The following UGT1A9 variants were observed in gnomAD, a reference collection of about 807,000 sequenced individuals.
The protein encoded by UGT1A9 is UDP-glucuronosyltransferase 1A9.
Under a neutral mutation model 45.0 loss-of-function variants are expected in UGT1A9, and 35 were observed. The observed-to-expected ratio is 0.78, with a 90% CI of 0.59 to 1.03. The LOEUF (loss-of-function observed/expected upper bound fraction) is 1.03. Among genes scored for constraint, UGT1A9 ranks in the 50% least tolerant of loss-of-function variants. UGT1A9 has a pLI of 0.00. For missense variants in UGT1A9, 687 were observed against 666.6 expected, an observed-to-expected ratio of 1.03 and a Z score of -0.34; for synonymous variants, 278 against 250.6, an observed-to-expected ratio of 1.11 and a Z score of -1.03.
chr2:233,717,430 C>T (rs528668664), intron 1 of UGT1A9, among the ~76,000 whole-genome samples: 2 of 152,364 alleles, frequency 1.3e-5, no homozygotes, highest in African/African-American at 4.8e-5. Flanking sequence ...GGGTGTCCCT[C>T]TGATGGACGC....
intron 1 of UGT1A9, among the ~76,000 whole-genome samples, chr2:233,673,534 G>T (rs376384747): frequency 6.6e-6 from 1 of 152,120 alleles, no homozygotes; most frequent in African/African-American, 2.4e-5. Flanking sequence ...GGATTTCCAT[G>T]AATTGAGAAG....
chr2:233,739,738 C>G (rs1691193557), intron 1 of UGT1A9, among the ~76,000 whole-genome samples: 1 of 152,084 alleles, frequency 6.6e-6, no homozygotes, highest in Non-Finnish European at 1.5e-5. Flanking sequence ...TCAGATGAGA[C>G]CTTGGACTAT....
chr2:233,719,741 A>C, intron 1 of UGT1A9: 1 of 1,613,136 alleles, frequency 6.2e-7, no homozygotes, highest in Middle Eastern at 1.9e-4. Flanking sequence ...ACTTTTTAAA[A>C]AATGTATTTA....
chr2:233,713,283 C>T (rs764319623), intron 1 of UGT1A9: 1 of 1,614,222 alleles, frequency 6.2e-7, no homozygotes, highest in Non-Finnish European at 8.5e-7. Flanking sequence ...GGGTCACACT[C>T]AATCGTTCTT....
rs1483426687 is a variant in UGT1A9, at chr2:233,681,490, C to A, written c.855+8701C>A. On this transcript the variant is annotated intron_variant, in intron 1 of 4. Transcript: ENST00000354728. ...AGGTTGCAGTGAGCCTAGATCTTAC[C>A]ACTGCACTCCAGCCTGGATGACACA... Among the ~76,000 whole-genome samples, 4 of 141,844 alleles carry A rather than the reference C, an allele frequency of 2.8e-5. No homozygotes were observed. The Admixed American group carries it at 2.9e-4, about 10-fold the overall frequency. The allele number at this position is 141,844 out of a possible 152,430, so 93.1% of individuals were successfully genotyped here. A position where few individuals can be genotyped will look rare whatever the true frequency, so the allele number is the denominator to read the frequency against.
chr2:233,748,577 A>T (rs1363502467), intron 1 of UGT1A9, among the ~76,000 whole-genome samples: 1 of 151,860 alleles, frequency 6.6e-6, no homozygotes, highest in Non-Finnish European at 1.5e-5. Context: ...AGTGTTAAAG[A>T]GGTTGACTCA....
At chr2:233,728,696 G>T (rs930449968) in intron 1 of UGT1A9, among the ~76,000 whole-genome samples, 26 of 152,206 alleles carry the variant, frequency 1.7e-4, no homozygotes, top group African/African-American at 6.3e-4. Context: ...TCAAGGGTTA[G>T]CAAATAGGGT....
chr2:233,733,436 G>T (rs2078397447), intron 1 of UGT1A9, among the ~76,000 whole-genome samples: 1 of 152,134 alleles, frequency 6.6e-6, no homozygotes, highest in African/African-American at 2.4e-5. Flanking sequence ...TATGATATTG[G>T]CTGCGGGTTT....
chr2:233,754,256 G>T (rs1695431509), intron 1 of UGT1A9: 1 of 171,288 alleles, frequency 5.8e-6, no homozygotes, highest in Admixed American at 5.6e-5. Flanking sequence ...AACGGAAAAA[G>T]GTAAGGCTCA....
intron 4 of UGT1A9, chr2:233,770,023 G>A (rs1575848651): frequency 6.2e-6 from 1 of 160,986 alleles, no homozygotes; most frequent in Non-Finnish European, 1.4e-5. Flanking sequence ...TTCTTTCCCT[G>A]CACTGTTGAA....
At chr2:233,727,635 G>A (rs920148460) in intron 1 of UGT1A9, among the ~76,000 whole-genome samples, 17 of 152,184 alleles carry the variant, frequency 1.1e-4, no homozygotes, top group Non-Finnish European at 1.5e-4. Flanking sequence ...TGCACCCACA[G>A]CTGAGAATCC....
In UGT1A9 at chr2:233,744,657, C is replaced by T. The variant is rs1019492138; in HGVS notation, c.856-22377C>T. Among the ~76,000 whole-genome samples the T allele has an allele frequency of 2.6e-3, 395 of 152,040 alleles. 3 individuals carry two copies. The highest frequency in any genetic ancestry group is 6.8e-3 in the Middle Eastern group (2 of 294). The stretch of plus-strand genomic sequence containing the variant: ...CATGTCAGCTTCTGTATTCAATCTA[C>T]TGTGATATTACACATCACCCATGTA... On this transcript the variant is annotated intron_variant, in intron 1 of 4. Coordinates refer to ENST00000354728, the MANE Select transcript of UGT1A9 (RefSeq NM_021027.3).
rs45531144 is a variant in UGT1A9 at position 233,694,707 on chromosome 2, C to T, written c.855+21918C>T. 5.7e-3 allele frequency among the ~76,000 whole-genome samples: 869 copies of T among 152,246 alleles called. 43 individuals are homozygous for T. In the East Asian group the frequency reaches 0.11, roughly 19 times the overall value. ...CAAAGACCCTTACCTCTCTTCTTTA[C>T]ACCTGCTGATTTCTCTGTTAACAAT... On this transcript the variant is annotated intron_variant, in intron 1 of 4. Coordinates refer to ENST00000354728, the MANE Select transcript of UGT1A9 (RefSeq NM_021027.3).
intron 1 of UGT1A9, among the ~76,000 whole-genome samples, chr2:233,720,871 AT>A (rs60621337): frequency 0.024 from 3,169 of 132,736 alleles, 42 homozygotes; most frequent in Middle Eastern, 0.043. Context: ...GCTCCTGGCA[AT>A]TTTTTTTTTT....
chr2:233,682,342 A>T lies in UGT1A9; in HGVS notation c.855+9553A>T, dbSNP rs1368393471. The T allele has an allele frequency of 2.5e-6, 4 of 1,613,994 alleles. No homozygotes were observed. In the Admixed American group the frequency reaches 6.7e-5, roughly 27 times the overall value. On this transcript the variant is annotated intron_variant, in intron 1 of 4. Transcript: ENST00000354728. Reference sequence around the variant, plus strand: ...TGTTTAATGACCGAAAATTAGTAGAATACTTAAAGGAGAGTTGTTTTGATG... The same window carrying T: ...TGTTTAATGACCGAAAATTAGTAGATTACTTAAAGGAGAGTTGTTTTGATG...
chr2:233,748,612 C>T (rs570236786), intron 1 of UGT1A9, among the ~76,000 whole-genome samples: 2 of 151,726 alleles, frequency 1.3e-5, no homozygotes, highest in East Asian at 1.9e-4. Context: ...GAGCAACGAA[C>T]GTGGGATATA....
chr2:233,700,444 A>C (rs1343757710), intron 1 of UGT1A9, among the ~76,000 whole-genome samples: 1 of 152,214 alleles, frequency 6.6e-6, no homozygotes, highest in Non-Finnish European at 1.5e-5. Flanking sequence ...GAGTAGCTGA[A>C]TGCTAGAATG....
chr2:233,749,830 G>A (rs1694282037), intron 1 of UGT1A9, among the ~76,000 whole-genome samples: 1 of 151,888 alleles, frequency 6.6e-6, no homozygotes, highest in African/African-American at 2.4e-5. Flanking sequence ...TCTCTTTCAT[G>A]TAAGACGTGT....
In UGT1A9 at chr2:233,772,606, T is replaced by C. The variant is rs34895241; in HGVS notation, c.*47T>C. 98 of 1,584,170 alleles carry C rather than the reference T, an allele frequency of 6.2e-5. No homozygotes were observed. Among genetic ancestry groups the C allele is most frequent in the Admixed American group, 4.5e-4 (25 of 55,206 alleles). On this transcript the variant is annotated 3_prime_UTR_variant, in exon 5 of 5. Transcript: ENST00000354728. The stretch of plus-strand genomic sequence containing the variant: ...AAAATTTTGAACCATTCCCTAGTCA[T>C]TTCCAAACTTGAAAACAGAATCAGT...
Sources: allele counts gnomAD v4.1 joint callset (sites outside exome capture counted in the v4.1 genomes callset), GRCh38; gene constraint gnomAD v4.1.1; transcripts MANE v1.5; gene names NCBI Gene and HGNC (gene_info 2026-07-23, HGNC 2026-07-21).